Variants in MAST4 observed in about 807,000 individuals in gnomAD.
MAST4 encodes the protein microtubule-associated serine/threonine-protein kinase 4.
MAST4 carries 89 observed loss-of-function variants against 162.7 expected under a neutral mutation model. The ratio of observed to expected loss-of-function variants is 0.55; its 90% CI spans 0.46 to 0.65. MAST4 has a LOEUF of 0.65. MAST4 is among the 30% of genes least tolerant of loss of function. MAST4 has a pLI of 0.00. For synonymous variants in MAST4, 1,479 were observed against 1,361.1 expected (o/e 1.09, Z -1.91); for missense variants, 3,153 against 3,374.0 (o/e 0.93, Z 1.62).
chr5:67,127,757 G>GA (rs1210687120), intron 14 of MAST4, among the ~76,000 whole-genome samples: 8 of 151,776 alleles, frequency 5.3e-5, no homozygotes, highest in Non-Finnish European at 8.8e-5. Flanking sequence ...ATCAGTAGCT[G>GA]AAAAAAAGAA....
chr5:67,032,783 G>C (rs1164244253), intron 4 of MAST4, among the ~76,000 whole-genome samples: 15 of 151,884 alleles, frequency 9.9e-5, no homozygotes, highest in Admixed American at 9.9e-4. Flanking sequence ...CAAAACCCTT[G>C]AAAAAGAAAA....
intron 4 of MAST4, chr5:66,959,339 A>G (rs537871680): frequency 1.3e-6 from 1 of 779,008 alleles, no homozygotes; most frequent in African/African-American, 1.7e-5. Context: ...TCTGCATGGC[A>G]CTCGCTTTCT....
At chr5:67,149,258 GT>G in intron 23 of MAST4, 130 bp from the exon 24 acceptor site, 2 of 744,052 alleles carry the variant, frequency 2.7e-6, no homozygotes, top group Non-Finnish European at 4.5e-6. Context: ...GCCTGACACC[GT>G]CTGGACTTAC....
In MAST4 at chr5:67,165,012, C is replaced by T. The variant is rs1399155636; in HGVS notation, c.5833C>T (p.Leu1945Phe). 3.1e-5 allele frequency: 50 copies of T among 1,613,350 alleles called. No individual in the cohort carries two copies. Among genetic ancestry groups the T allele is most frequent in the Non-Finnish European group, 4.2e-5 (49 of 1,179,648 alleles). ...GCTTCTGACCTGCCTGGGGCAGAAC[C>T]TCCACAGCCCTGACCTGGCCAGGCC... is the stretch of plus-strand genomic sequence containing the variant. Reference protein sequence around the residue: ...PKLLTCLGQNLHSPDLARPRC... With the variant: ...PKLLTCLGQNFHSPDLARPRC... Residue 1945 changes from leucine (L) to phenylalanine (F), a missense_variant, in exon 29 of 29, where the codon CTC becomes TTC. This residue lies in a region of MAST4 where 1,644 missense variants were observed against 1,495.0 expected (regional missense o/e 1.10). Coordinates refer to ENST00000403625, the MANE Select transcript of MAST4 (RefSeq NM_001164664.2).
chr5:66,624,108 T>C (rs1196651802), intron 1 of MAST4, among the ~76,000 whole-genome samples: 3 of 150,930 alleles, frequency 2.0e-5, no homozygotes, highest in Admixed American at 2.0e-4. Context: ...TGGAAAGATC[T>C]CATGTTCACA....
At chr5:66,638,025 G>A (rs1745235197) in intron 1 of MAST4, among the ~76,000 whole-genome samples, 1 of 152,116 alleles carries the variant, frequency 6.6e-6, no homozygotes, top group Non-Finnish European at 1.5e-5. Context: ...TTCTTTAGTT[G>A]TAATTTATTC....
intron 4 of MAST4, chr5:67,003,932 T>G (rs1751594959): frequency 6.6e-6 from 1 of 152,206 alleles, no homozygotes; most frequent in Non-Finnish European, 1.5e-5. Flanking sequence ...TTTAGTTTAC[T>G]GAGGTTTTCG....
intron 1 of MAST4, among the ~76,000 whole-genome samples, chr5:66,759,159 A>G (rs115807969): frequency 0.01 from 1,523 of 152,300 alleles, 32 homozygotes; most frequent in African/African-American, 0.034. Flanking sequence ...GGGCTAGGGT[A>G]CTTAGAAATT....
intron 3 of MAST4, among the ~76,000 whole-genome samples, chr5:66,794,551 C>T (rs1755559918): frequency 6.6e-6 from 1 of 152,166 alleles, no homozygotes; most frequent in Non-Finnish European, 1.5e-5. Context: ...AAGCACTTTT[C>T]CCTTAGATCA....
At chr5:67,129,970 G>T (rs1768759934) in intron 14 of MAST4, among the ~76,000 whole-genome samples, 1 of 152,102 alleles carries the variant, frequency 6.6e-6, no homozygotes, top group Admixed American at 6.6e-5. Flanking sequence ...CAGCAGTGAA[G>T]ATGAATCTGA....
rs963864258 is a variant in MAST4, at chr5:67,165,407, G to A, written c.6228G>A (p.Arg2076=). 2 of 1,613,768 alleles carry A rather than the reference G, an allele frequency of 1.2e-6. No homozygotes were observed. Among genetic ancestry groups the A allele is most frequent in the Non-Finnish European group, 1.7e-6 (2 of 1,179,892 alleles). The change falls in exon 29 of 29, where the codon AGG becomes AGA. Residue 2076 remains arginine, a synonymous_variant. Transcript: ENST00000403625. The part of the protein sequence containing the change: ...IPCEKELGKV[R]RGVEPKPEAL... ...GTGAGAAGGAGCTGGGCAAGGTGAG[G>A]CGTGGCGTGGAACCCAAGCCCGAAG...
At chr5:67,039,786 C>A (rs1200379980) in intron 4 of MAST4, among the ~76,000 whole-genome samples, 2 of 152,124 alleles carry the variant, frequency 1.3e-5, no homozygotes, top group South Asian at 4.1e-4. Flanking sequence ...CTCCTGTCTG[C>A]TTTCTTAGAG....
At chr5:66,947,870 G>C (rs1310272447) in intron 4 of MAST4, among the ~76,000 whole-genome samples, 1 of 152,166 alleles carries the variant, frequency 6.6e-6, no homozygotes, top group African/African-American at 2.4e-5. Context: ...GATGTGAGGA[G>C]GCAGCATGAC....
chr5:66,672,902 C>T (rs1301338202), intron 1 of MAST4, among the ~76,000 whole-genome samples: 1 of 152,102 alleles, frequency 6.6e-6, no homozygotes, highest in Non-Finnish European at 1.5e-5. Flanking sequence ...GGTACATATC[C>T]CCCAGCCCTT....
chr5:67,084,525 A>G (rs1173216317), intron 5 of MAST4, among the ~76,000 whole-genome samples: 2 of 152,164 alleles, frequency 1.3e-5, no homozygotes, highest in Non-Finnish European at 2.9e-5. Context: ...GAAAAAAACT[A>G]TTTTCAGTTT....
chr5:66,947,672 A>T (rs1025433056), intron 4 of MAST4, among the ~76,000 whole-genome samples: 5 of 152,110 alleles, frequency 3.3e-5, no homozygotes, highest in African/African-American at 9.7e-5. Context: ...CCTGCAAAGC[A>T]TTTCCCCGTG....
In MAST4 at chr5:66,609,392, C is replaced by CTTTTT. The variant is rs373893029; in HGVS notation, c.363+12387_363+12391dup. Reference sequence around the variant, plus strand: ...AAACTTGTTTTGTACCAATGCACTACTTTTTTTTTTTTTTTTTGAGACAGC... The same window carrying CTTTTT: ...AAACTTGTTTTGTACCAATGCACTACTTTTTTTTTTTTTTTTTTTTTTGAGACAGC... On this transcript the variant is annotated intron_variant, in intron 1 of 28. Transcript: ENST00000403625. Among the ~76,000 whole-genome samples the CTTTTT allele has an allele frequency of 1.5e-3, 189 of 128,608 alleles. 5 individuals carry two copies. The highest frequency in any genetic ancestry group is 5.4e-3 in the African/African-American group (178 of 33,178). The allele number at this position is 128,608 out of a possible 152,430, so 84.4% of individuals were successfully genotyped here.
At chr5:66,716,616 C>T (rs939649632) in intron 1 of MAST4, among the ~76,000 whole-genome samples, 1 of 152,032 alleles carries the variant, frequency 6.6e-6, no homozygotes, top group Non-Finnish European at 1.5e-5. Flanking sequence ...CCACCTTGGC[C>T]TCCCAAAGTG....
At chr5:67,036,647 G>A (rs1206717219) in intron 4 of MAST4, among the ~76,000 whole-genome samples, 1 of 152,108 alleles carries the variant, frequency 6.6e-6, no homozygotes, top group Non-Finnish European at 1.5e-5. Context: ...CTAATGTGAT[G>A]TAAATACTGT....
Sources: allele counts gnomAD v4.1 joint callset (sites outside exome capture counted in the v4.1 genomes callset), GRCh38; gene constraint gnomAD v4.1.1; regional missense constraint gnomAD v4.1.1; transcripts MANE v1.5; gene names NCBI Gene and HGNC (gene_info 2026-07-23, HGNC 2026-07-21).